Variants in IRAK4 observed in about 807,000 individuals in gnomAD.
IRAK4 encodes the protein interleukin-1 receptor-associated kinase 4.
Under a neutral mutation model 51.8 loss-of-function variants are expected in IRAK4, and 44 were observed. The ratio of observed to expected loss-of-function variants is 0.85; its 90% confidence interval spans 0.67 to 1.09. IRAK4 has a LOEUF of 1.09. Among genes scored for constraint, IRAK4 ranks in the 50% least tolerant of loss-of-function variants. IRAK4 has a pLI of 0.00. For missense variants in IRAK4, 487 were observed against 538.0 expected (o/e 0.91, Z 0.94); for synonymous variants, 149 against 174.1 (o/e 0.86, Z 1.13).
intron 2 of IRAK4, among the ~76,000 whole-genome samples, chr12:43,770,280 G>A (rs1158538895): frequency 6.6e-6 from 1 of 152,096 alleles, no homozygotes; most frequent in Non-Finnish European, 1.5e-5. Flanking sequence ...CTAAGTTTTT[G>A]TGTGTTCTGT....
intron 9 of IRAK4, among the ~76,000 whole-genome samples, chr12:43,782,750 T>G (rs1430148896): frequency 6.6e-6 from 1 of 152,206 alleles, no homozygotes; most frequent in African/African-American, 2.4e-5. Context: ...CCTAATGCAT[T>G]AAATGAATCA....
Position 43,784,050 on chromosome 12 carries a change from T to C in IRAK4, c.1188+326T>C, listed in dbSNP as rs1351565492. Among the ~76,000 whole-genome samples, 5 of 152,162 alleles carry C rather than the reference T, an allele frequency of 3.3e-5. No homozygotes were observed. The East Asian group carries it at 9.6e-4, about 29-fold the overall frequency. On this transcript the variant is annotated intron_variant, in intron 10 of 11. Transcript: ENST00000613694. ...TTGGGGTGGCTACTGTTAATAACAGTGTTTCCAGCATTTTCAGAGGGGGGA... is the reference window on the plus strand; with the variant it reads ...TTGGGGTGGCTACTGTTAATAACAGCGTTTCCAGCATTTTCAGAGGGGGGA...
intron 4 of IRAK4, among the ~76,000 whole-genome samples, 195 bp from the exon 5 acceptor site, chr12:43,772,717 G>GA (rs1183748694): frequency 6.6e-6 from 1 of 152,198 alleles, no homozygotes; most frequent in African/African-American, 2.4e-5. Flanking sequence ...ACAGTGTTCA[G>GA]AGGGTAGGAT....
At chr12:43,773,139 A>C in intron 5 of IRAK4, 67 bp downstream of exon 5, 1 of 1,362,804 alleles carries the variant, frequency 7.3e-7, no homozygotes, top group Non-Finnish European at 1.0e-6. Flanking sequence ...TAGGTTTTAA[A>C]GTTAATCTTT....
At chr12:43,778,423 C>T (rs1941489472) in intron 8 of IRAK4, 121 bp downstream of exon 8, 2 of 678,778 alleles carry the variant, frequency 2.9e-6, no homozygotes, top group Non-Finnish European at 5.4e-6. Context: ...TCCCATCACT[C>T]CATGAAAGCT....
intron 6 of IRAK4, among the ~76,000 whole-genome samples, chr12:43,774,593 G>A (rs1224081949): frequency 2.0e-5 from 3 of 152,166 alleles, no homozygotes; most frequent in Admixed American, 6.5e-5. Flanking sequence ...TCACTATCAT[G>A]TCCTTCATTA....
intron 10 of IRAK4, among the ~76,000 whole-genome samples, chr12:43,785,776 G>A (rs4251540): frequency 1.3e-5 from 2 of 151,430 alleles, no homozygotes; most frequent in Non-Finnish European, 2.9e-5. Context: ...TATGACCTAC[G>A]ACATACCTGG....
intron 1 of IRAK4, among the ~76,000 whole-genome samples, chr12:43,762,690 G>T (rs1380467917): frequency 6.6e-6 from 1 of 152,156 alleles, no homozygotes; most frequent in Admixed American, 6.5e-5. Context: ...ACAGAAGAAT[G>T]ACTAGGTGAC....
Position 43,773,211 on chromosome 12 carries a change from T to C in IRAK4, c.651+139T>C, listed in dbSNP as rs1036849723. ...TAAACATCATTCTAAATAGTAGTTCTTAAAATTTTAAAATCTGTTGAACAC... is the reference window on the plus strand; with the variant it reads ...TAAACATCATTCTAAATAGTAGTTCCTAAAATTTTAAAATCTGTTGAACAC... On this transcript the variant is annotated intron_variant, in intron 5 of 11. Transcript: ENST00000613694. 10 of 815,352 alleles carry C rather than the reference T, an allele frequency of 1.2e-5. No homozygotes were observed. The Middle Eastern group carries it at 1.9e-3, about 152-fold the overall frequency. 50.5% of individuals were successfully genotyped at this position (815,352 alleles called of 1,614,324 possible).
intron 9 of IRAK4, among the ~76,000 whole-genome samples, chr12:43,783,188 T>G (rs1423874821): frequency 6.6e-6 from 1 of 152,196 alleles, no homozygotes; most frequent in Admixed American, 6.6e-5. Flanking sequence ...AAGCTCATGT[T>G]CTTTCCACTT....
intron 1 of IRAK4, 144 bp from the exon 2 acceptor site, chr12:43,767,959 A>G (rs1355294666): frequency 9.5e-6 from 6 of 633,776 alleles, no homozygotes; most frequent in East Asian, 2.8e-5. Flanking sequence ...TAGGATATCA[A>G]TGACTTGACT....
Position 43,783,605 on chromosome 12 carries a change from G to A in IRAK4, c.1126-57G>A, listed in dbSNP as rs913448868. ...CAAAGTGCTGGGATTACAGGCGTTA[G>A]CCACTGTGCCCAGCCTATCTTGTGT... On this transcript the variant is annotated intron_variant, in intron 9 of 11. Transcript: ENST00000613694. 7.4e-6 allele frequency: 8 copies of A among 1,086,562 alleles called. No homozygotes were observed. In the African/African-American group the frequency reaches 1.1e-4, roughly 15 times the overall value. The allele number at this position is 1,086,562 out of a possible 1,614,324, so 67.3% of individuals were successfully genotyped here.
rs550735931 is a variant in IRAK4, at chr12:43,775,387, C to T, written c.716+1358C>T. Among the ~76,000 whole-genome samples the T allele has an allele frequency of 7.8e-4, 119 of 152,310 alleles. 2 individuals carry two copies. Among genetic ancestry groups the T allele is most frequent in the African/African-American group, 2.8e-3 (117 of 41,572 alleles). On this transcript the variant is annotated intron_variant, in intron 6 of 11. Transcript: ENST00000613694. ...ATAGGTGCAGCAAACCACTATGGTA[C>T]ACGTTTACCTGTATGACAAACCTGC...
At chr12:43,762,248 G>A (rs975063726) in intron 1 of IRAK4, among the ~76,000 whole-genome samples, 2 of 152,120 alleles carry the variant, frequency 1.3e-5, no homozygotes, top group Admixed American at 6.6e-5. Context: ...CATGTGTGGA[G>A]GAGTTGCAGA....
intron 6 of IRAK4, among the ~76,000 whole-genome samples, chr12:43,775,140 G>A (rs530851186): frequency 5.9e-5 from 9 of 152,250 alleles, no homozygotes; most frequent in African/African-American, 2.2e-4. Context: ...CTAACCTCAA[G>A]TAAGAAGAAT....
intron 6 of IRAK4, among the ~76,000 whole-genome samples, chr12:43,777,428 A>G (rs1490871474): frequency 4.6e-5 from 7 of 152,204 alleles, no homozygotes; most frequent in African/African-American, 1.7e-4. Context: ...ATGTTGATTA[A>G]TACTGGCTGA....
At chr12:43,772,416 T>A in intron 4 of IRAK4, 54 bp downstream of exon 4, 1 of 1,485,714 alleles carries the variant, frequency 6.7e-7, no homozygotes, top group Non-Finnish European at 9.3e-7. Flanking sequence ...AGACTACCAG[T>A]GCTTTAAAAG....
chr12:43,769,265 C>A (rs1940496116), intron 2 of IRAK4, among the ~76,000 whole-genome samples: 1 of 152,012 alleles, frequency 6.6e-6, no homozygotes, highest in Non-Finnish European at 1.5e-5. Context: ...TTTGCAACCA[C>A]CAATGAGTAA....
rs4251449 is a variant in IRAK4, at chr12:43,765,320, G to T, written c.-9-2783G>T. 9.6e-3 allele frequency among the ~76,000 whole-genome samples: 1,458 copies of T among 152,260 alleles called. 22 individuals carry two copies. Among genetic ancestry groups the T allele is most frequent in the African/African-American group, 0.033 (1,365 of 41,548 alleles). Reference sequence around the variant, plus strand: ...GAGATGAATGTTTTCCTCGAAAATCGATGTGGATGGTCTGCCGCAGCAGGC... The same window carrying T: ...GAGATGAATGTTTTCCTCGAAAATCTATGTGGATGGTCTGCCGCAGCAGGC... On this transcript the variant is annotated intron_variant, in intron 1 of 11. Transcript: ENST00000613694.
Sources: gnomAD v4.1 joint callset for allele counts (sites outside exome capture counted in the v4.1 genomes callset) on GRCh38, gnomAD v4.1.1 for gene constraint, MANE v1.5 for transcripts, NCBI Gene and HGNC (gene_info 2026-07-23, HGNC 2026-07-21) for gene names.